The following ABHD12B variants were observed in gnomAD, a reference collection of about 807,000 sequenced individuals.
The protein encoded by ABHD12B is protein ABHD12B.
Under a neutral mutation model 50.4 loss-of-function variants are expected in ABHD12B, and 42 were observed. That is an observed-to-expected ratio of 0.83 (90% confidence interval 0.65 to 1.08). The LOEUF is 1.08. Ranked by LOEUF, ABHD12B falls within the 50% of genes least tolerant of loss-of-function variation. The probability of loss-of-function intolerance (pLI) is 0.00; values close to 1 mark genes in which losing one functional copy is unlikely to be tolerated. For missense variants in ABHD12B, 479 were observed against 447.7 expected (o/e 1.07, Z -0.63); for synonymous variants, 167 against 160.3 (o/e 1.04, Z -0.32).
chr14:50,882,172 G>T (rs1048772053), intron 5 of ABHD12B, among the ~76,000 whole-genome samples: 64 of 150,912 alleles, frequency 4.2e-4, no homozygotes, highest in Non-Finnish European at 8.3e-4. Flanking sequence ...GTGATCTCAG[G>T]TGATCCACCC....
Position 50,903,481 on chromosome 14 carries a change from T to C in ABHD12B, c.942+14T>C. The stretch of plus-strand genomic sequence containing the variant: ...TATGGGAAAAAGGTAAACTAAGGGC[T>C]CAATGCTGACTGAAATATACTATAC... On this transcript the variant is annotated intron_variant, in intron 11 of 12. Transcript: ENST00000337334. 6.2e-7 allele frequency: 1 copy of C among 1,603,934 alleles called. No individual in the cohort carries two copies.
chr14:50,889,108 T>G (rs1455819102), intron 9 of ABHD12B, among the ~76,000 whole-genome samples: 1 of 152,256 alleles, frequency 6.6e-6, no homozygotes, highest in Non-Finnish European at 1.5e-5. Flanking sequence ...TTTCCTTCAC[T>G]TTCTTCTAAG....
intron 10 of ABHD12B, 25 bp downstream of exon 10, chr14:50,901,936 C>A: frequency 6.7e-7 from 1 of 1,501,566 alleles, no homozygotes; most frequent in Non-Finnish European, 9.1e-7. Flanking sequence ...AAAAGACATG[C>A]ATTATTACTG....
Position 50,897,860 on chromosome 14 carries a change from C to T in ABHD12B, c.781-3969C>T, listed in dbSNP as rs563155312. Among the ~76,000 whole-genome samples, 4 of 152,326 alleles carry T rather than the reference C, an allele frequency of 2.6e-5. No individual in the cohort carries two copies. In the East Asian group the frequency reaches 5.8e-4, roughly 22 times the overall value. ...GCTGCTAGTAAGCACTAGACAAATA[C>T]TTGTTCCTTTCCGTCCCTCTTTCTG... is the stretch of plus-strand genomic sequence containing the variant. On this transcript the variant is annotated intron_variant, in intron 9 of 12. Transcript: ENST00000337334.
Position 50,904,278 on chromosome 14 carries a change from T to C in ABHD12B, c.1062-61T>C, listed in dbSNP as rs947615066. ...ACTTAGGCCACAACATGAAAATGTA[T>C]AATATTTTGCTTATTTAGGTAGGGA... On this transcript the variant is annotated intron_variant, in intron 12 of 12. Coordinates refer to ENST00000337334, the MANE Select transcript of ABHD12B (RefSeq NM_001206673.2). 5.9e-5 allele frequency: 95 copies of C among 1,613,788 alleles called. 1 individual carries two copies. In the Middle Eastern group the frequency reaches 8.3e-4, roughly 14 times the overall value.
At chr14:50,900,443 C>T (rs1397091350) in intron 9 of ABHD12B, among the ~76,000 whole-genome samples, 1 of 152,062 alleles carries the variant, frequency 6.6e-6, no homozygotes, top group African/African-American at 2.4e-5. Flanking sequence ...AAGTTGTGGT[C>T]CATTTACCTA....
intron 5 of ABHD12B, among the ~76,000 whole-genome samples, chr14:50,882,284 T>A (rs944936345): frequency 4.6e-5 from 7 of 151,222 alleles, no homozygotes; most frequent in Admixed American, 1.3e-4. Context: ...GTTGAGAGAG[T>A]ATTATTAAGG....
rs769164034 is a variant in ABHD12B, at chr14:50,885,864, G to A, written c.631G>A (p.Val211Met). The A allele has an allele frequency of 2.4e-5, 39 of 1,614,028 alleles. No homozygotes were observed. Among genetic ancestry groups the A allele is most frequent in the South Asian group, 9.9e-5 (9 of 91,084 alleles). Residue 211 changes from valine (V) to methionine (M), a missense_variant, in exon 7 of 13, where the codon GTG (valine) becomes ATG (methionine). Val to Met is a conservative substitution (Grantham distance 21, BLOSUM62 1). Coordinates refer to ENST00000337334, the MANE Select transcript of ABHD12B (RefSeq NM_001206673.2). ...WTKARSGITPVCLWGHSLGTG... is the reference protein window; with the variant it reads ...WTKARSGITPMCLWGHSLGTG... Reference sequence around the variant, plus strand: ...CAAGGCAAGAAGTGGCATCACTCCCGTGTGTCTCTGGGGCCACTCTCTGGG... The same window carrying A: ...CAAGGCAAGAAGTGGCATCACTCCCATGTGTCTCTGGGGCCACTCTCTGGG...
Position 50,881,563 on chromosome 14 carries a change from CTTTTT to C in ABHD12B, c.456-20_456-16del, listed in dbSNP as rs34965747. 157 of 1,411,450 alleles carry C rather than the reference CTTTTT, an allele frequency of 1.1e-4. No homozygotes were observed. The Middle Eastern group carries it at 1.7e-3, about 15-fold the overall frequency. The allele number at this position is 1,411,450 out of a possible 1,614,324, so 87.4% of individuals were successfully genotyped here. A position where few individuals can be genotyped will look rare whatever the true frequency, so the allele number is the denominator to read the frequency against. On this transcript the variant is annotated intron_variant, in intron 4 of 12. Coordinates refer to ENST00000337334, the MANE Select transcript of ABHD12B (RefSeq NM_001206673.2). ...TTGTTATCATCGTTCCTAATTCTTG[CTTTTT>C]TTTTTTTTTTTTAAACTTCCTTCAC...
chr14:50,880,878 T>C (rs1019613750), intron 4 of ABHD12B, among the ~76,000 whole-genome samples: 1 of 152,154 alleles, frequency 6.6e-6, no homozygotes, highest in Non-Finnish European at 1.5e-5. Context: ...ATTGAACCCA[T>C]GAATGACAGG....
intron 1 of ABHD12B, among the ~76,000 whole-genome samples, chr14:50,874,135 T>C (rs1406429867): frequency 4.6e-5 from 7 of 152,190 alleles, no homozygotes; most frequent in Non-Finnish European, 1.0e-4. Context: ...ACTAGTGGGA[T>C]GTGTTGTGAG....
chr14:50,893,034 C>T (rs996452682), intron 9 of ABHD12B: 4 of 152,186 alleles, frequency 2.6e-5, no homozygotes, highest in Non-Finnish European at 5.9e-5. Context: ...TTGAGACTCA[C>T]TTTGTGTACC....
At chr14:50,889,483 CAA>C (rs1389338907) in intron 9 of ABHD12B, among the ~76,000 whole-genome samples, 3 of 152,080 alleles carry the variant, frequency 2.0e-5, no homozygotes, top group Non-Finnish European at 4.4e-5. Flanking sequence ...ACTAAAAATA[CAA>C]AAATTAGCTG....
chr14:50,902,788 A>AT (rs1334749166), intron 10 of ABHD12B, among the ~76,000 whole-genome samples: 1 of 152,210 alleles, frequency 6.6e-6, no homozygotes, highest in Non-Finnish European at 1.5e-5. Context: ...ACAGGGAAGC[A>AT]TTGCTTGAGA....
Position 50,885,662 on chromosome 14 carries a change from A to T in ABHD12B, c.532+3A>T. 1.2e-6 allele frequency: 2 copies of T among 1,614,180 alleles called. No individual in the cohort carries two copies. Among genetic ancestry groups the T allele is most frequent in the Non-Finnish European group, 1.7e-6 (2 of 1,180,024 alleles). Reference sequence around the variant, plus strand: ...TGTCTTGTCTGTTGACTACAGAGGTATGTGTTAAGAACGGTGTACAAAGAT... The same window carrying T: ...TGTCTTGTCTGTTGACTACAGAGGTTTGTGTTAAGAACGGTGTACAAAGAT... On this transcript the variant is annotated splice_donor_region_variant and intron_variant, in intron 6 of 12. Coordinates refer to ENST00000337334, the MANE Select transcript of ABHD12B (RefSeq NM_001206673.2).
chr14:50,883,587 T>C (rs937566492), intron 5 of ABHD12B, among the ~76,000 whole-genome samples: 3 of 152,268 alleles, frequency 2.0e-5, no homozygotes, highest in African/African-American at 4.8e-5. Context: ...TGCGTGCTTT[T>C]CCCCTCCCAC....
chr14:50,895,403 G>A (rs1451348340), intron 9 of ABHD12B, among the ~76,000 whole-genome samples: 3 of 152,152 alleles, frequency 2.0e-5, no homozygotes, highest in African/African-American at 7.2e-5. Flanking sequence ...AACCGCAGCA[G>A]CCAGGCGTTC....
At chr14:50,893,809 ACCT>A (rs1232190545) in intron 9 of ABHD12B, 1 of 153,168 alleles carries the variant, frequency 6.5e-6, no homozygotes, top group African/African-American at 2.4e-5. Flanking sequence ...CTATCCCTCA[ACCT>A]CTTTCTCCTT....
At chr14:50,886,507 T>C in intron 7 of ABHD12B, 140 bp from the exon 8 acceptor site, 3 of 696,642 alleles carry the variant, frequency 4.3e-6, no homozygotes, top group East Asian at 2.8e-5. Flanking sequence ...TGTGGAACCC[T>C]TTTAAATAGC....
Sources: allele counts gnomAD v4.1 joint callset (sites outside exome capture counted in the v4.1 genomes callset), GRCh38; gene constraint gnomAD v4.1.1; transcripts MANE v1.5; gene names NCBI Gene and HGNC (gene_info 2026-07-23, HGNC 2026-07-21).